The following COL24A1 variants were observed in gnomAD, a reference collection of about 807,000 sequenced individuals.
The protein encoded by COL24A1 is collagen alpha-1(XXIV) chain.
Under a neutral mutation model 253.9 loss-of-function variants are expected in COL24A1, and 224 were observed. The observed-to-expected ratio is 0.88, with a 90% CI of 0.79 to 0.99. The LOEUF is 0.99. Among genes scored for constraint, COL24A1 ranks in the 50% least tolerant of loss-of-function variants. COL24A1 has a pLI of 0.00. For synonymous variants in COL24A1, 685 were observed against 673.7 expected, an observed-to-expected ratio of 1.02 and a Z score of -0.26; for missense variants, 2,131 against 2,068.5, an observed-to-expected ratio of 1.03 and a Z score of -0.59.
intron 14 of COL24A1, among the ~76,000 whole-genome samples, chr1:86,029,486 A>T (rs1220486344): frequency 6.6e-6 from 1 of 152,222 alleles, no homozygotes; most frequent in Admixed American, 6.5e-5. Flanking sequence ...AGACTCACAC[A>T]GGTTCTTTGA....
At chr1:86,033,175 T>A (rs1651779434) in intron 13 of COL24A1, among the ~76,000 whole-genome samples, 1 of 152,172 alleles carries the variant, frequency 6.6e-6, no homozygotes, top group Non-Finnish European at 1.5e-5. Context: ...TAAACTATTT[T>A]AAACTCTTCA....
chr1:85,937,587 G>A (rs961176599), intron 24 of COL24A1, among the ~76,000 whole-genome samples: 3 of 147,594 alleles, frequency 2.0e-5, no homozygotes, highest in Non-Finnish European at 4.5e-5. Context: ...TTCAGTGCTG[G>A]ATGATGGATA....
chr1:85,922,207 G>A (rs1486988857), intron 24 of COL24A1, among the ~76,000 whole-genome samples: 3 of 152,198 alleles, frequency 2.0e-5, no homozygotes, highest in African/African-American at 4.8e-5. Context: ...GTACCTGAAA[G>A]TGATGGGGAG....
chr1:85,745,816 G>T (rs1665150878), intron 55 of COL24A1, among the ~76,000 whole-genome samples: 1 of 152,138 alleles, frequency 6.6e-6, no homozygotes, highest in Non-Finnish European at 1.5e-5. Context: ...AAATGGAAGA[G>T]AATAAAATAT....
At chr1:85,969,604 C>CACAAAAAA (rs1691936337) in intron 22 of COL24A1, among the ~76,000 whole-genome samples, 1 of 27,472 alleles carries the variant, frequency 3.6e-5, no homozygotes, top group African/African-American at 1.5e-4. Flanking sequence ...GACTCTGTCT[C>CACAAAAAA]AAAAAAAAAA....
Position 85,898,031 on chromosome 1 carries a change from T to C in COL24A1, c.2779-1622A>G, listed in dbSNP as rs561885390. On this transcript the variant is annotated intron_variant, in intron 28 of 59. Transcript: ENST00000370571. ...AAAAATATAGAGGCATGAAAACAGA[T>C]ACTCAAAGAATAAAAAAGTAGTTTG... Among the ~76,000 whole-genome samples the C allele has an allele frequency of 3.3e-5, 5 of 152,254 alleles. No homozygotes were observed. In the South Asian group the frequency reaches 8.3e-4, roughly 25 times the overall value.
At chr1:85,880,964 T>C (rs1681768011) in intron 32 of COL24A1, among the ~76,000 whole-genome samples, 1 of 152,232 alleles carries the variant, frequency 6.6e-6, no homozygotes, top group African/African-American at 2.4e-5. Context: ...TGTTCATGAA[T>C]GATATTGGTC....
intron 43 of COL24A1, among the ~76,000 whole-genome samples, chr1:85,836,532 C>T (rs549523356): frequency 1.8e-4 from 27 of 152,174 alleles, no homozygotes; most frequent in Non-Finnish European, 3.2e-4. Flanking sequence ...AATAAGATAA[C>T]CTAATTCTAA....
chr1:85,789,665 C>A (rs1647401819), intron 47 of COL24A1, among the ~76,000 whole-genome samples: 1 of 152,078 alleles, frequency 6.6e-6, no homozygotes, highest in Non-Finnish European at 1.5e-5. Flanking sequence ...TTTGCCCATT[C>A]AGTATGATAT....
chr1:85,992,104 G>T (rs928737553), intron 19 of COL24A1, among the ~76,000 whole-genome samples: 1 of 151,648 alleles, frequency 6.6e-6, no homozygotes, highest in Non-Finnish European at 1.5e-5. Context: ...CCCAGTGTGT[G>T]ATGTTCCCCT....
At chr1:85,838,420 C>CA (rs1676249436) in intron 43 of COL24A1, among the ~76,000 whole-genome samples, 165 bp downstream of exon 43, 1 of 151,940 alleles carries the variant, frequency 6.6e-6, no homozygotes, top group African/African-American at 2.4e-5. Context: ...TAAGAAAAGA[C>CA]AAAGATGATT....
intron 37 of COL24A1, among the ~76,000 whole-genome samples, chr1:85,854,351 G>A (rs1202279638): frequency 1.3e-5 from 2 of 152,122 alleles, no homozygotes; most frequent in East Asian, 1.9e-4. Flanking sequence ...GTACAATATT[G>A]TTTTAGTTAC....
chr1:86,134,186 G>GTATTTCT (rs1369567911), intron 2 of COL24A1, among the ~76,000 whole-genome samples: 1 of 150,082 alleles, frequency 6.7e-6, no homozygotes, highest in Non-Finnish European at 1.5e-5. Flanking sequence ...CTGTGGGATC[G>GTATTTCT]GTGGTGATAT....
chr1:85,830,117 C>T (rs1570803761), intron 43 of COL24A1, among the ~76,000 whole-genome samples: 1 of 152,134 alleles, frequency 6.6e-6, no homozygotes, highest in East Asian at 1.9e-4. Context: ...GATGTCCTTT[C>T]TGTTTGTTAG....
At chr1:85,824,692 T>C (rs1434660862) in intron 43 of COL24A1, among the ~76,000 whole-genome samples, 2 of 152,118 alleles carry the variant, frequency 1.3e-5, no homozygotes, top group African/African-American at 2.4e-5. Flanking sequence ...AGTGTGTAAA[T>C]AGAAACTAGC....
At chr1:86,087,198 G>A (rs370575407) in intron 7 of COL24A1, among the ~76,000 whole-genome samples, 23 of 152,126 alleles carry the variant, frequency 1.5e-4, no homozygotes, top group African/African-American at 5.5e-4. Context: ...AGAGAAACAA[G>A]AAATCTGTGA....
At chr1:85,848,662 G>A (rs1367319657) in intron 38 of COL24A1, among the ~76,000 whole-genome samples, 1 of 152,078 alleles carries the variant, frequency 6.6e-6, no homozygotes, top group East Asian at 1.9e-4. Flanking sequence ...AAACAACATT[G>A]TGTTATTCTT....
chr1:86,083,369 T>G (rs1216974406), intron 7 of COL24A1, among the ~76,000 whole-genome samples: 2 of 150,558 alleles, frequency 1.3e-5, no homozygotes, highest in South Asian at 2.1e-4. Context: ...ATATAGTTGA[T>G]ATATATATAT....
intron 24 of COL24A1, among the ~76,000 whole-genome samples, chr1:85,940,038 A>G (rs1437657031): frequency 6.6e-6 from 1 of 152,194 alleles, no homozygotes; most frequent in Admixed American, 6.5e-5. Context: ...AAGATAAACT[A>G]TCTACAAACA....
Sources: gnomAD v4.1 joint callset for allele counts (sites outside exome capture counted in the v4.1 genomes callset) on GRCh38, gnomAD v4.1.1 for gene constraint, MANE v1.5 for transcripts, NCBI Gene and HGNC (gene_info 2026-07-23, HGNC 2026-07-21) for gene names.